The following PPP1R26 variants were observed in gnomAD, a reference collection of about 807,000 sequenced individuals.
PPP1R26 encodes protein phosphatase 1 regulatory subunit 26.
In PPP1R26, 22 loss-of-function variants were observed where a neutral mutation model predicts 67.6. The observed-to-expected ratio is 0.33, with a 90% CI of 0.23 to 0.46. PPP1R26 has a LOEUF of 0.46. Among genes scored for constraint, PPP1R26 ranks in the 20% least tolerant of loss-of-function variants. PPP1R26 has a pLI of 1.00. For synonymous variants in PPP1R26, 729 were observed against 717.2 expected (o/e 1.02, Z -0.26); for missense variants, 1,602 against 1,651.4 (o/e 0.97, Z 0.52).
intron 3 of PPP1R26, 47 bp downstream of exon 3, chr9:135,484,129 T>G (rs1830617484): frequency 7.3e-6 from 3 of 411,666 alleles, no homozygotes; most frequent in Non-Finnish European, 8.6e-6. Context: ...AAGCCCGGAG[T>G]GAGAAGGGAA....
At chr9:135,484,169 C>T (rs571962220) in intron 3 of PPP1R26, 87 bp downstream of exon 3, 15 of 450,552 alleles carry the variant, frequency 3.3e-5, no homozygotes, top group South Asian at 1.3e-4. Flanking sequence ...GTGCGTGCCC[C>T]GGGCGGCACC....
At chr9:135,482,482 A>G (rs897687310) in intron 1 of PPP1R26, among the ~76,000 whole-genome samples, 3 of 152,168 alleles carry the variant, frequency 2.0e-5, no homozygotes, top group Non-Finnish European at 4.4e-5. Flanking sequence ...ATAGCTATAC[A>G]TTACTTGTGG....
intron 1 of PPP1R26, among the ~76,000 whole-genome samples, chr9:135,481,141 C>A (rs1273549471): frequency 6.6e-6 from 1 of 152,080 alleles, no homozygotes; most frequent in Non-Finnish European, 1.5e-5. Flanking sequence ...CACAGCCACC[C>A]TCAAGACCGT....
In PPP1R26 at chr9:135,485,516, G is replaced by A. The variant is rs753273862; in HGVS notation, c.1006G>A (p.Gly336Arg). The A allele has an allele frequency of 1.7e-5, 27 of 1,613,196 alleles. No individual in the cohort carries two copies. The highest frequency in any genetic ancestry group is 4.0e-5 in the African/African-American group (3 of 75,060). Residue 336 changes from glycine (G) to arginine (R), a missense_variant, in exon 4 of 4, where the codon GGG becomes AGG. Physicochemically the swap from Gly to Arg is moderately radical, Grantham distance 125 (BLOSUM62 -2). Around this residue, in one of 5 missense-constraint regions of PPP1R26, gnomAD observed 680 missense variants for 726.1 expected, o/e 0.94. Coordinates refer to ENST00000356818, the MANE Select transcript of PPP1R26 (RefSeq NM_014811.5). This position sits in a 1 kb window ranked among gnomAD's most constrained non-coding sequence, Gnocchi z 7.2. ...RPSEAAQNKG[G>R]IKRSASAARR... ...TTCAGAAGCAGCACAGAATAAAGGT[G>A]GGATCAAAAGGAGCGCCAGCGCTGC...
chr9:135,487,158 C>T lies in PPP1R26; in HGVS notation c.2648C>T (p.Ala883Val). ...RPEVLCRKEP[A>V]PPPGVCTRSQ... ...GAGGTGCTGTGCAGGAAGGAGCCTG[C>T]CCCACCGCCTGGCGTGTGCACACGC... Residue 883 changes from alanine (A) to valine (V), a missense_variant, in exon 4 of 4, where the codon GCC becomes GTC. This residue lies in a region of PPP1R26 where 740 missense variants were observed against 696.3 expected (regional missense o/e 1.06). Coordinates refer to ENST00000356818, the MANE Select transcript of PPP1R26 (RefSeq NM_014811.5). 1.2e-6 allele frequency: 2 copies of T among 1,609,990 alleles called. No homozygotes were observed. The highest frequency in any genetic ancestry group is 8.5e-7 in the Non-Finnish European group (1 of 1,179,074).
Position 135,485,447 on chromosome 9 carries a change from C to T in PPP1R26, c.937C>T (p.Gln313Ter). ...RSLRSKVTTT[Q>*]ENEGSTKPAT... ...CCTCAGGTCCAAGGTCACAACCACGCAGGAGAACGAGGGCAGCACGAAGCC... is the reference window on the plus strand; with the variant it reads ...CCTCAGGTCCAAGGTCACAACCACGTAGGAGAACGAGGGCAGCACGAAGCC... Residue 313 changes from glutamine (Q) to a stop codon, truncating the protein, a stop_gained, in exon 4 of 4, where the codon CAG (glutamine) becomes TAG (stop). Transcript: ENST00000356818. LOFTEE classifies it high-confidence loss of function. The surrounding 1 kb of genome is among the most constrained non-coding windows in gnomAD (Gnocchi z 7.2). 6.2e-7 allele frequency: 1 copy of T among 1,613,000 alleles called. No individual in the cohort carries two copies. Among genetic ancestry groups the T allele is most frequent in the Non-Finnish European group, 8.5e-7 (1 of 1,179,972 alleles).
intron 2 of PPP1R26, among the ~76,000 whole-genome samples, 168 bp downstream of exon 2, chr9:135,482,983 C>CTCTT (rs1830571344): frequency 8.0e-6 from 1 of 125,778 alleles, no homozygotes; most frequent in African/African-American, 3.0e-5. Flanking sequence ...CTTTTTCTTT[C>CTCTT]TTTCTTTTTT....
In PPP1R26 at chr9:135,488,326, T is replaced by C; in HGVS notation, c.*186T>C. 9.2e-7 allele frequency: 1 copy of C among 1,092,020 alleles called. No homozygotes were observed. The highest frequency in any genetic ancestry group is 1.2e-6 in the Non-Finnish European group (1 of 848,066). The allele number at this position is 1,092,020 out of a possible 1,614,324, so 67.6% of individuals were successfully genotyped here. ...CGTGTCCTGGTAAATATGATTTTTG[T>C]AGCTTTTTGTAAATTATTTAAAGTG... On this transcript the variant is annotated 3_prime_UTR_variant, in exon 4 of 4. Coordinates refer to ENST00000356818, the MANE Select transcript of PPP1R26 (RefSeq NM_014811.5).
Position 135,486,235 on chromosome 9 carries a change from C to A in PPP1R26, c.1725C>A (p.Thr575=). ...TGCCGCCTGGCCTCAACAGCCAGAC[C>A]GGCGGCCACAAGACCCCTCTCTCTA... ...PLLPPGLNSQ[T]GGHKTPLSKT... is the part of the protein sequence containing the mutation. Residue 575 remains threonine (T), a synonymous_variant, in exon 4 of 4, where the codon ACC becomes ACA. Coordinates refer to ENST00000356818, the MANE Select transcript of PPP1R26 (RefSeq NM_014811.5). The surrounding 1 kb of genome is among the most constrained non-coding windows in gnomAD (Gnocchi z 6.2). The A allele has an allele frequency of 6.2e-7, 1 of 1,612,952 alleles. No individual in the cohort carries two copies.
Position 135,486,822 on chromosome 9 carries a change from G to T in PPP1R26, c.2312G>T (p.Ser771Ile). Residue 771 changes from serine to isoleucine, a missense_variant, in exon 4 of 4, where the codon AGT (serine) becomes ATT (isoleucine). Ser to Ile is a moderately radical substitution (Grantham distance 142). Coordinates refer to ENST00000356818, the MANE Select transcript of PPP1R26 (RefSeq NM_014811.5). This position sits in a 1 kb window ranked among gnomAD's most constrained non-coding sequence, Gnocchi z 6.2. ...SGEGPGKKPP[S>I]VFGSTAERMR... ...GAGGGTCCTGGGAAGAAACCCCCCA[G>T]TGTCTTTGGCAGCACGGCAGAGAGG... is the stretch of plus-strand genomic sequence containing the variant. 2 of 1,609,562 alleles carry T rather than the reference G, an allele frequency of 1.2e-6. No homozygotes were observed. The highest frequency in any genetic ancestry group is 1.7e-6 in the Non-Finnish European group (2 of 1,178,548).
rs1830610412 is a variant in PPP1R26 at position 135,483,940 on chromosome 9, T to G, written c.-195-10T>G. 2.5e-6 allele frequency: 1 copy of G among 398,986 alleles called. No homozygotes were observed. The highest frequency in any genetic ancestry group is 4.4e-6 in the Non-Finnish European group (1 of 226,414). The allele number at this position is 398,986 out of a possible 1,614,324, so 24.7% of individuals were successfully genotyped here. A position where few individuals can be genotyped will look rare whatever the true frequency, so the allele number is the denominator to read the frequency against. On this transcript the variant is annotated splice_polypyrimidine_tract_variant and intron_variant, in intron 2 of 3. Transcript: ENST00000356818. ...CTGAGTGGCTCACATCATACAACTT[T>G]CCGTTCCAGGAGCTTGTCGGTTGGG...
chr9:135,483,670 G>A (rs192020083), intron 2 of PPP1R26: 79 of 247,074 alleles, frequency 3.2e-4, no homozygotes, highest in African/African-American at 1.3e-3. Context: ...CAGGCCATTC[G>A]TGAGCAGGTC....
chr9:135,487,227 G>A lies in PPP1R26; in HGVS notation c.2717G>A (p.Arg906Gln), dbSNP rs142918581. The part of the protein sequence containing the change: ...RGVPHLAEGL[R>Q]GTESAGAQGT... ...GTCCCACATCTGGCCGAAGGGCTTC[G>A]AGGCACAGAGAGCGCAGGAGCACAG... Residue 906 changes from arginine (R) to glutamine (Q), a missense_variant, in exon 4 of 4, where the codon CGA becomes CAA. Arg to Gln is a conservative substitution (Grantham distance 43). Around this residue, in one of 5 missense-constraint regions of PPP1R26, gnomAD observed 740 missense variants for 696.3 expected, o/e 1.06. Transcript: ENST00000356818. 12 of 1,585,784 alleles carry A rather than the reference G, an allele frequency of 7.6e-6. No homozygotes were observed. The highest frequency in any genetic ancestry group is 1.7e-4 in the Middle Eastern group (1 of 5,886).
intron 1 of PPP1R26, 124 bp from the exon 2 acceptor site, chr9:135,482,559 A>G (rs1269003197): frequency 5.1e-6 from 2 of 395,932 alleles, no homozygotes; most frequent in African/African-American, 2.1e-5. Flanking sequence ...GTCTTAGAGT[A>G]AGTTCCTTCA....
At chr9:135,482,906 C>G (rs1255552851) in intron 2 of PPP1R26, 91 bp downstream of exon 2, 2 of 395,210 alleles carry the variant, frequency 5.1e-6, no homozygotes, top group Non-Finnish European at 8.9e-6. Context: ...GTCTCACCCC[C>G]TGGTTAATTG....
Position 135,485,146 on chromosome 9 carries a change from C to G in PPP1R26, c.636C>G (p.Ser212=). 6.2e-6 allele frequency: 10 copies of G among 1,612,926 alleles called. No homozygotes were observed. Among genetic ancestry groups the G allele is most frequent in the Non-Finnish European group, 8.5e-6 (10 of 1,179,860 alleles). Reference sequence around the variant, plus strand: ...CCAGCAAGGACCAGGGCTCCGCCTCCCCGGTCAGTGTGAGCAGCGATGACT... The same window carrying G: ...CCAGCAAGGACCAGGGCTCCGCCTCGCCGGTCAGTGTGAGCAGCGATGACT... ...VGSSKDQGSA[S]PVSVSSDDSF... Residue 212 remains serine, a synonymous_variant, in exon 4 of 4, where the codon TCC becomes TCG. Transcript: ENST00000356818. This position sits in a 1 kb window ranked among gnomAD's most constrained non-coding sequence, Gnocchi z 7.2.
At chr9:135,482,182 G>A (rs1480916693) in intron 1 of PPP1R26, among the ~76,000 whole-genome samples, 10 of 152,180 alleles carry the variant, frequency 6.6e-5, no homozygotes, top group Admixed American at 3.9e-4. Context: ...TAATTTAGAC[G>A]CTCCTCAGCC....
intron 1 of PPP1R26, among the ~76,000 whole-genome samples, chr9:135,481,372 C>A (rs903936161): frequency 4.0e-5 from 6 of 151,576 alleles, no homozygotes; most frequent in African/African-American, 2.4e-5. Flanking sequence ...CCTGGAGTAG[C>A]TGGAACTACA....
At position 135,488,077 on chromosome 9, in the gene PPP1R26, C is replaced by T. The variant is rs144257148; in HGVS notation, c.3567C>T (p.Asp1189=). The change falls in exon 4 of 4, where the codon GAC becomes GAT. Residue 1189 remains aspartate (D), a synonymous_variant. Coordinates refer to ENST00000356818, the MANE Select transcript of PPP1R26 (RefSeq NM_014811.5). ...DDQEQDALGS[D]ASDFSDTSTE... ...AGGAGCAGGACGCCTTGGGCAGTGA[C>T]GCCAGTGACTTCAGCGACACCTCCA... 4.6e-5 allele frequency: 72 copies of T among 1,577,960 alleles called. No homozygotes were observed. Among genetic ancestry groups the T allele is most frequent in the African/African-American group, 3.4e-4 (25 of 73,682 alleles).
Sources: allele counts gnomAD v4.1 joint callset (sites outside exome capture counted in the v4.1 genomes callset), GRCh38; gene constraint gnomAD v4.1.1; regional missense constraint gnomAD v4.1.1; non-coding constraint Gnocchi (gnomAD v3.1); transcripts MANE v1.5; gene names NCBI Gene and HGNC (gene_info 2026-07-23, HGNC 2026-07-21).